The following HS3ST1 variants were observed in gnomAD, a reference collection of about 807,000 sequenced individuals.
HS3ST1 encodes heparan sulfate glucosamine 3-O-sulfotransferase 1.
HS3ST1 carries 8 observed loss-of-function variants against 20.7 expected under a neutral mutation model. That is an observed-to-expected ratio of 0.39 (90% CI 0.23 to 0.70). The LOEUF (loss-of-function observed/expected upper bound fraction) is 0.70. HS3ST1 is among the 30% of genes least tolerant of loss of function. HS3ST1 has a pLI of 0.46. For synonymous variants in HS3ST1, 205 were observed against 190.4 expected (o/e 1.08, Z -0.63); for missense variants, 436 against 423.4 (o/e 1.03, Z -0.26).
chr4:11,433,554 T>C (rs373836859), upstream of HS3ST1, among the ~76,000 whole-genome samples: 2 of 152,308 alleles, frequency 1.3e-5, no homozygotes, highest in East Asian at 1.9e-4. Context: ...GATGGAAAAT[T>C]GTGGCACTCT....
At chr4:11,429,025 G>C (rs1247347145), upstream of HS3ST1, 1 of 152,492 alleles carries the variant, frequency 6.6e-6, no homozygotes, top group African/African-American at 2.4e-5. Flanking sequence ...GGAGGATCGC[G>C]AGCGCCCACT....
rs1163458303 is a variant in HS3ST1, at chr4:11,399,033, T to C, written c.*49A>G. 2.0e-6 allele frequency: 3 copies of C among 1,492,472 alleles called. No homozygotes were observed. Among genetic ancestry groups the C allele is most frequent in the Non-Finnish European group, 2.7e-6 (3 of 1,095,864 alleles). 92.5% of individuals were successfully genotyped at this position (1,492,472 alleles called of 1,614,324 possible). Reference sequence around the variant, plus strand: ...TTAAAATTCTTTTTCCCCTCAGATGTACACCAGAACTTACAGTAGGAAAGT... The same window carrying C: ...TTAAAATTCTTTTTCCCCTCAGATGCACACCAGAACTTACAGTAGGAAAGT... On this transcript the variant is annotated 3_prime_UTR_variant, in exon 2 of 2. Transcript: ENST00000002596. This position sits in a 1 kb window ranked among gnomAD's most constrained non-coding sequence, Gnocchi z 5.1.
intron 1 of HS3ST1, among the ~76,000 whole-genome samples, chr4:11,423,726 A>G (rs1718992141): frequency 6.6e-6 from 1 of 152,214 alleles, no homozygotes. Context: ...CAGAGATAGG[A>G]AGAAGGAACA....
chr4:11,405,391 G>A (rs775993928), intron 1 of HS3ST1, among the ~76,000 whole-genome samples: 2 of 152,164 alleles, frequency 1.3e-5, no homozygotes, highest in Non-Finnish European at 2.9e-5. Flanking sequence ...AAACCCAAGG[G>A]AGATTCCACA....
At chr4:11,434,319 A>G (rs1030883456), upstream of HS3ST1, among the ~76,000 whole-genome samples, 14 of 152,148 alleles carry the variant, frequency 9.2e-5, no homozygotes, top group Non-Finnish European at 1.5e-4. Context: ...TTTTCTTTTA[A>G]GTTCCAGGAT....
At chr4:11,401,087 A>G (rs1325096253) in intron 1 of HS3ST1, among the ~76,000 whole-genome samples, 2 of 152,194 alleles carry the variant, frequency 1.3e-5, no homozygotes, top group African/African-American at 4.8e-5. Flanking sequence ...AGGGAGATAT[A>G]TGTTATGATT....
rs762545699 is a variant in HS3ST1 at position 11,395,015 on chromosome 4, CTCAT to C, written c.*4063_*4066del. Reference sequence around the variant, plus strand: ...CTCCAGCCTTGGAAAGCAGTAGCTTCTCATTGAGTTTAACACATTTGACATGCCA... The same window carrying C: ...CTCCAGCCTTGGAAAGCAGTAGCTTCTGAGTTTAACACATTTGACATGCCA... On this transcript the variant is annotated 3_prime_UTR_variant, in exon 2 of 2. Coordinates refer to ENST00000002596, the MANE Select transcript of HS3ST1 (RefSeq NM_005114.4). 1.3e-5 allele frequency: 2 copies of C among 152,202 alleles called. No individual in the cohort carries two copies. Among genetic ancestry groups the C allele is most frequent in the Non-Finnish European group, 2.9e-5 (2 of 68,044 alleles). The allele number at this position is 152,202 out of a possible 1,614,324, so 9.4% of individuals were successfully genotyped here.
chr4:11,429,086 G>T (rs1719147204), upstream of HS3ST1: 1 of 152,422 alleles, frequency 6.6e-6, no homozygotes, highest in Non-Finnish European at 1.5e-5. Context: ...CTAGGTGCCT[G>T]GTGCTCCGCT....
chr4:11,401,032 G>A (rs142158242), intron 1 of HS3ST1, among the ~76,000 whole-genome samples: 20 of 152,262 alleles, frequency 1.3e-4, no homozygotes, highest in Non-Finnish European at 2.5e-4. Flanking sequence ...GTATTGCAGC[G>A]GGAAATTGGC....
chr4:11,408,767 T>A (rs1718537360), intron 1 of HS3ST1, among the ~76,000 whole-genome samples: 1 of 152,184 alleles, frequency 6.6e-6, no homozygotes, highest in Admixed American at 6.5e-5. Flanking sequence ...TCAGTGCAAC[T>A]GAGTGGAAGA....
chr4:11,424,320 T>C (rs531233596), intron 1 of HS3ST1, among the ~76,000 whole-genome samples: 12 of 152,340 alleles, frequency 7.9e-5, no homozygotes, highest in Non-Finnish European at 1.5e-4. Flanking sequence ...GAATAATGTA[T>C]TCATTTTTCT....
chr4:11,408,113 A>G (rs1363190986), intron 1 of HS3ST1, among the ~76,000 whole-genome samples: 1 of 152,156 alleles, frequency 6.6e-6, no homozygotes, highest in East Asian at 1.9e-4. Context: ...GATGGAGGAA[A>G]GATGCTGGGA....
chr4:11,406,941 C>G (rs1240629311), intron 1 of HS3ST1, among the ~76,000 whole-genome samples: 2 of 151,940 alleles, frequency 1.3e-5, no homozygotes, highest in African/African-American at 4.8e-5. Flanking sequence ...CATGTCTTCA[C>G]TTTCATCTTT....
At chr4:11,409,958 A>G (rs926751641) in intron 1 of HS3ST1, among the ~76,000 whole-genome samples, 3 of 152,362 alleles carry the variant, frequency 2.0e-5, no homozygotes, top group South Asian at 4.1e-4. Context: ...ACATTTCTCA[A>G]AACTCAACTA....
At chr4:11,410,417 G>A (rs16881480) in intron 1 of HS3ST1, among the ~76,000 whole-genome samples, 9,795 of 152,234 alleles carry the variant, frequency 0.064, 410 homozygotes, top group African/African-American at 0.12. Flanking sequence ...TGCTCAGAAG[G>A]AAGTCCCACG....
At chr4:11,414,576 C>T (rs1718724260) in intron 1 of HS3ST1, among the ~76,000 whole-genome samples, 1 of 152,162 alleles carries the variant, frequency 6.6e-6, no homozygotes, top group Non-Finnish European at 1.5e-5. Context: ...ATTTACTTCC[C>T]CAACCAGCTA....
At chr4:11,406,709 A>G (rs2108882870) in intron 1 of HS3ST1, among the ~76,000 whole-genome samples, 1 of 152,314 alleles carries the variant, frequency 6.6e-6, no homozygotes, top group East Asian at 1.9e-4. Flanking sequence ...GGGAGAGCTT[A>G]CTTAAAACCA....
At chr4:11,421,289 G>A (rs1718928003) in intron 1 of HS3ST1, among the ~76,000 whole-genome samples, 1 of 152,208 alleles carries the variant, frequency 6.6e-6, no homozygotes, top group African/African-American at 2.4e-5. Flanking sequence ...CCAAAGTCAT[G>A]CTCTTTCAAC....
intron 1 of HS3ST1, among the ~76,000 whole-genome samples, chr4:11,416,190 A>G (rs1326993578): frequency 6.6e-6 from 1 of 152,180 alleles, no homozygotes; most frequent in African/African-American, 2.4e-5. Flanking sequence ...AATCCGAATG[A>G]AAAGATCTGC....
Sources: gnomAD v4.1 joint callset for allele counts (sites outside exome capture counted in the v4.1 genomes callset) on GRCh38, gnomAD v4.1.1 for gene constraint, Gnocchi (gnomAD v3.1) non-coding constraint, MANE v1.5 for transcripts, NCBI Gene and HGNC (gene_info 2026-07-23, HGNC 2026-07-21) for gene names.